Variants in KYAT3 observed in about 807,000 individuals in gnomAD.
KYAT3 encodes the protein kynurenine aminotransferase 3, also known as kynurenine--oxoglutarate transaminase 3.
A neutral mutation model predicts 59.0 loss-of-function variants in KYAT3; 50 were observed. That is an observed-to-expected ratio of 0.85 (90% CI 0.68 to 1.07). KYAT3 has a LOEUF of 1.07. KYAT3 is among the 50% of genes least tolerant of loss of function. The pLI is 0.00. For synonymous variants in KYAT3, 148 were observed against 177.0 expected, an observed-to-expected ratio of 0.84 and a Z score of 1.30; for missense variants, 497 against 533.3, an observed-to-expected ratio of 0.93 and a Z score of 0.67.
At chr1:88,958,711 G>C (rs1446812544) in intron 8 of KYAT3, among the ~76,000 whole-genome samples, 1 of 152,198 alleles carries the variant, frequency 6.6e-6, no homozygotes, top group African/African-American at 2.4e-5. Context: ...GCTTTTTGTT[G>C]TGGACAAGTA....
At chr1:88,948,310 T>G (rs1464779082) in intron 11 of KYAT3, among the ~76,000 whole-genome samples, 1 of 152,206 alleles carries the variant, frequency 6.6e-6, no homozygotes, top group Non-Finnish European at 1.5e-5. Flanking sequence ...TTAAAACATT[T>G]AAAACTATAT....
At chr1:88,946,402 A>G (rs961655065) in intron 11 of KYAT3, among the ~76,000 whole-genome samples, 9 of 151,936 alleles carry the variant, frequency 5.9e-5, no homozygotes, top group Admixed American at 3.9e-4. Flanking sequence ...GGCTCAAGCA[A>G]TCCTCCCGCC....
chr1:88,964,129 T>C (rs540680342), intron 5 of KYAT3, among the ~76,000 whole-genome samples: 2 of 152,082 alleles, frequency 1.3e-5, no homozygotes, highest in Non-Finnish European at 2.9e-5. Flanking sequence ...CTTGAACCCG[T>C]GAGGTGGAGG....
At chr1:88,967,845 T>G (rs1676401118) in intron 4 of KYAT3, among the ~76,000 whole-genome samples, 1 of 152,178 alleles carries the variant, frequency 6.6e-6, no homozygotes, top group African/African-American at 2.4e-5. Context: ...AGCTTTTGGT[T>G]TCATTAATTT....
intron 5 of KYAT3, among the ~76,000 whole-genome samples, chr1:88,962,656 G>A (rs1175295933): frequency 6.6e-6 from 1 of 152,092 alleles, no homozygotes; most frequent in East Asian, 1.9e-4. Flanking sequence ...CTTCTCAAAA[G>A]CACGGTTAAT....
At chr1:88,962,178 C>T in intron 5 of KYAT3, 33 bp from the exon 6 acceptor site, 5 of 1,426,534 alleles carry the variant, frequency 3.5e-6, no homozygotes, top group Non-Finnish European at 5.0e-6. Flanking sequence ...CACAACCTGT[C>T]AATCATTTAT....
intron 9 of KYAT3, among the ~76,000 whole-genome samples, chr1:88,954,606 A>C (rs1354978395): frequency 6.6e-6 from 1 of 152,212 alleles, no homozygotes; most frequent in East Asian, 1.9e-4. Context: ...TCACTTATAA[A>C]AGGGAAAATG....
At chr1:88,957,513 T>C (rs1023511001) in intron 8 of KYAT3, among the ~76,000 whole-genome samples, 3 of 152,222 alleles carry the variant, frequency 2.0e-5, no homozygotes, top group African/African-American at 4.8e-5. Flanking sequence ...TAACAAAGAC[T>C]ATTGTATTCG....
intron 2 of KYAT3, among the ~76,000 whole-genome samples, chr1:88,974,420 A>T (rs1323276442): frequency 6.9e-6 from 1 of 145,042 alleles, no homozygotes; most frequent in Non-Finnish European, 1.5e-5. Context: ...GTTGCTGGGC[A>T]TGTTATTTCA....
At chr1:88,944,299 C>T (rs769583021) in intron 11 of KYAT3, among the ~76,000 whole-genome samples, 2 of 152,166 alleles carry the variant, frequency 1.3e-5, no homozygotes, top group South Asian at 4.1e-4. Flanking sequence ...TTCTTCTATA[C>T]ATTAAATACT....
rs980299036 is a variant in KYAT3 at position 88,954,009 on chromosome 1, C to G, written c.865-857G>C. Among the ~76,000 whole-genome samples, 2 of 151,662 alleles carry G rather than the reference C, an allele frequency of 1.3e-5. 1 individual carries two copies. Among genetic ancestry groups the G allele is most frequent in the African/African-American group, 4.9e-5 (2 of 41,234 alleles). ...CTCCGCCTCCCAGGTACAGGTGATT[C>G]TCCTGTCTCAGCCTCCCAAGTAGCT... On this transcript the variant is annotated intron_variant, in intron 9 of 13. Transcript: ENST00000260508.
intron 1 of KYAT3, among the ~76,000 whole-genome samples, chr1:88,989,697 G>A (rs900902709): frequency 4.6e-5 from 7 of 152,156 alleles, no homozygotes. Context: ...CCCAGACTGG[G>A]TGAGCCATAC....
At chr1:88,947,237 C>T (rs1014035961) in intron 11 of KYAT3, among the ~76,000 whole-genome samples, 2 of 152,194 alleles carry the variant, frequency 1.3e-5, no homozygotes, top group Non-Finnish European at 2.9e-5. Context: ...TCGCTCTAAA[C>T]CCATCTGTTA....
intron 2 of KYAT3, among the ~76,000 whole-genome samples, chr1:88,978,801 A>G (rs1676925077): frequency 7.0e-6 from 1 of 142,830 alleles, no homozygotes; most frequent in South Asian, 2.5e-4. Context: ...GTGAGCCTCC[A>G]TGCCCGGCCT....
chr1:88,961,479 T>C lies in KYAT3; in HGVS notation c.568A>G (p.Ser190Gly), dbSNP rs780151984. The C allele has an allele frequency of 3.1e-6, 5 of 1,612,314 alleles. No individual in the cohort carries two copies. Among genetic ancestry groups the C allele is most frequent in the Admixed American group, 1.7e-5 (1 of 59,822 alleles). ...TGAGGATCTAATGTCCAGTCAGAAC[T>C]AGACCATCTTTTTCCATAAACAGGT... Reference protein sequence around the residue: ...SKPVYGKRWSSSDWTLDPQEL... With the variant: ...SKPVYGKRWSGSDWTLDPQEL... The change falls in exon 7 of 14, where the codon AGT becomes GGT. Residue 190 changes from serine (S) to glycine (G), a missense_variant. Physicochemically the swap from Ser to Gly is moderately conservative, Grantham distance 56. Coordinates refer to ENST00000260508, the MANE Select transcript of KYAT3 (RefSeq NM_001008661.3).
At chr1:88,965,296 ATTGAAAAGAG>A in intron 4 of KYAT3, among the ~76,000 whole-genome samples, 1 of 152,318 alleles carries the variant, frequency 6.6e-6, no homozygotes, top group South Asian at 2.1e-4. Context: ...ATTAAATCAT[ATTGAAAAGAG>A]TTGGATTTGT....
chr1:88,966,370 C>A (rs1676352436), intron 4 of KYAT3, among the ~76,000 whole-genome samples: 1 of 152,060 alleles, frequency 6.6e-6, no homozygotes, highest in Admixed American at 6.6e-5. Flanking sequence ...ACATCATTCC[C>A]AATTTATTTA....
At chr1:88,951,638 A>T (rs1440127844) in intron 10 of KYAT3, among the ~76,000 whole-genome samples, 2 of 151,056 alleles carry the variant, frequency 1.3e-5, no homozygotes, top group African/African-American at 4.8e-5. Context: ...AATATATATT[A>T]AAAATATTAA....
Position 88,961,177 on chromosome 1 carries a change from G to C in KYAT3, c.777C>G (p.His259Gln). The C allele has an allele frequency of 6.2e-7, 1 of 1,613,286 alleles. No individual in the cohort carries two copies. ...TGTTATAGTTGGTACCTATTTTTAA[G>C]TGCTTATTTCCAGAATATACAAGCC... Reference protein sequence around the residue: ...YEWLVYSGNKHLKIATFPGMW... With the variant: ...YEWLVYSGNKQLKIATFPGMW... The change falls in exon 8 of 14, where the codon CAC (histidine) becomes CAG (glutamine). Residue 259 changes from histidine to glutamine, a missense_variant. By Grantham distance (24) the His-to-Gln change is conservative. Transcript: ENST00000260508.
Sources: gnomAD v4.1 joint callset for allele counts (sites outside exome capture counted in the v4.1 genomes callset) on GRCh38, gnomAD v4.1.1 for gene constraint, MANE v1.5 for transcripts, NCBI Gene and HGNC (gene_info 2026-07-23, HGNC 2026-07-21) for gene names.